C2CD3: variants seen among roughly 807,000 people sequenced by gnomAD.
C2CD3 encodes C2 domain containing 3 centriole elongation regulator.
C2CD3 carries 148 observed loss-of-function variants against 234.0 expected under a neutral mutation model. That is an observed-to-expected ratio of 0.63 (90% CI 0.55 to 0.72). The LOEUF is 0.72. Ranked by LOEUF, C2CD3 falls within the 30% of genes least tolerant of loss-of-function variation. The pLI, the probability that C2CD3 is intolerant of heterozygous loss-of-function variation, is 0.00. For missense variants in C2CD3, 2,577 were observed against 2,811.5 expected (o/e 0.92, Z 1.89); for synonymous variants, 1,000 against 1,035.4 (o/e 0.97, Z 0.66).
At chr11:74,126,347 G>C (rs1430366564) in intron 7 of C2CD3, among the ~76,000 whole-genome samples, 1 of 151,942 alleles carries the variant, frequency 6.6e-6, no homozygotes, top group Non-Finnish European at 1.5e-5. Context: ...TATGTGTCTT[G>C]GTGTATCTTT....
intron 7 of C2CD3, among the ~76,000 whole-genome samples, chr11:74,131,438 A>C (rs918178906): frequency 6.6e-6 from 1 of 152,076 alleles, no homozygotes; most frequent in Non-Finnish European, 1.5e-5. Context: ...TCATTCCTGG[A>C]ATAAATCCTG....
chr11:74,064,251 G>A (rs549897383), intron 24 of C2CD3, among the ~76,000 whole-genome samples: 43 of 152,286 alleles, frequency 2.8e-4, no homozygotes, highest in African/African-American at 9.1e-4. Context: ...CAAAATCAAT[G>A]TGCAAAAATC....
At chr11:74,108,814 G>A (rs1253364781) in intron 12 of C2CD3, among the ~76,000 whole-genome samples, 1 of 151,746 alleles carries the variant, frequency 6.6e-6, no homozygotes, top group South Asian at 2.1e-4. Flanking sequence ...TTGATAGTGT[G>A]CTCGTGTAGA....
At chr11:74,130,774 T>G (rs190211606) in intron 7 of C2CD3, among the ~76,000 whole-genome samples, 87 of 152,278 alleles carry the variant, frequency 5.7e-4, no homozygotes, top group Non-Finnish European at 9.7e-4. Context: ...AATTGGAAAG[T>G]GTGAGTCCTA....
rs986296592 is a variant in C2CD3, at chr11:74,105,172, G to C, written c.2085+1199C>G. 2.6e-5 allele frequency among the ~76,000 whole-genome samples: 4 copies of C among 152,166 alleles called. No individual in the cohort carries two copies. In the South Asian group the frequency reaches 8.3e-4, roughly 31 times the overall value. ...AGTTATTGGTAGAGAAGCTGTAAGAGAGAAGGTTGAAATGGTAGGCCAGGG... is the reference window on the plus strand; with the variant it reads ...AGTTATTGGTAGAGAAGCTGTAAGACAGAAGGTTGAAATGGTAGGCCAGGG... On this transcript the variant is annotated intron_variant, in intron 13 of 32. Coordinates refer to ENST00000334126, the MANE Select transcript of C2CD3 (RefSeq NM_001286577.2).
At chr11:74,083,500 C>A (rs905836725) in intron 22 of C2CD3, among the ~76,000 whole-genome samples, 3 of 152,188 alleles carry the variant, frequency 2.0e-5, no homozygotes, top group African/African-American at 7.2e-5. Flanking sequence ...TTAGAGTGAA[C>A]AGGCAACCTA....
chr11:74,028,462 A>G, intron 31 of C2CD3, 64 bp from the exon 32 acceptor site: 1 of 946,762 alleles, frequency 1.1e-6, no homozygotes, highest in Non-Finnish European at 1.6e-6. Flanking sequence ...GGAGGCCAGC[A>G]TCTCCACTGA....
rs866076262 is a variant in C2CD3, at chr11:74,033,374, C to T, written c.6786G>A (p.Thr2262=). 8.5e-6 allele frequency: 13 copies of T among 1,535,968 alleles called. No individual in the cohort carries two copies. Among genetic ancestry groups the T allele is most frequent in the Middle Eastern group, 1.7e-4 (1 of 5,982 alleles). The change falls in exon 31 of 33, where the codon ACG becomes ACA. Residue 2262 remains threonine, a synonymous_variant. Transcript: ENST00000334126. The part of the protein sequence containing the change: ...RQRQVTTGSE[T]STKQSLLLPG... The stretch of plus-strand genomic sequence containing the variant: ...ACAGCAGGAGGCTCTGCTTTGTGGA[C>T]GTCTCTGATCCAGTTGTCACCTGCC...
intron 26 of C2CD3, among the ~76,000 whole-genome samples, chr11:74,049,981 A>G (rs1953597929): frequency 1.3e-5 from 2 of 151,428 alleles, no homozygotes; most frequent in Non-Finnish European, 2.9e-5. Context: ...GGGTCTTACT[A>G]TGTTGCCTAG....
At chr11:74,152,037 T>C (rs917750931) in intron 3 of C2CD3, among the ~76,000 whole-genome samples, 1 of 152,098 alleles carries the variant, frequency 6.6e-6, no homozygotes, top group African/African-American at 2.4e-5. Context: ...ATGAAAAGAC[T>C]GGAAAAAACC....
At chr11:74,169,587 C>A (rs1434282980) in intron 1 of C2CD3, among the ~76,000 whole-genome samples, 1 of 152,062 alleles carries the variant, frequency 6.6e-6, no homozygotes, top group African/African-American at 2.4e-5. Flanking sequence ...CCACCATAAT[C>A]CTTATGGATA....
Position 74,013,514 on chromosome 11 carries a change from T to A in C2CD3, c.6933A>T (p.Glu2311Asp). ...PAATTDQDKS[E>D]ATRGALSQRP... The stretch of plus-strand genomic sequence containing the variant: ...TTTGGGAGAGAGCTCCCCTGGTGGC[T>A]TCGCTCTTGTCCTGGAGAGGAAGAA... The change falls in exon 33 of 33, where the codon GAA (glutamate) becomes GAT (aspartate). Residue 2311 changes from glutamate to aspartate, a missense_variant. Coordinates refer to ENST00000334126, the MANE Select transcript of C2CD3 (RefSeq NM_001286577.2). 7.3e-7 allele frequency: 1 copy of A among 1,360,880 alleles called. No individual in the cohort carries two copies. Among genetic ancestry groups the A allele is most frequent in the Non-Finnish European group, 9.4e-7 (1 of 1,060,120 alleles). The allele number at this position is 1,360,880 out of a possible 1,614,324, so 84.3% of individuals were successfully genotyped here.
Position 74,028,405 on chromosome 11 carries a change from T to C in C2CD3, c.6810-7A>G, listed in dbSNP as rs1434328108. ...CACCACAATGGGCCCTGGGCTACAATGGTAGTTAAGGGACAAAAATACCTA... is the reference window on the plus strand; with the variant it reads ...CACCACAATGGGCCCTGGGCTACAACGGTAGTTAAGGGACAAAAATACCTA... On this transcript the variant is annotated splice_region_variant and splice_polypyrimidine_tract_variant and intron_variant, in intron 31 of 32. Coordinates refer to ENST00000334126, the MANE Select transcript of C2CD3 (RefSeq NM_001286577.2). The C allele has an allele frequency of 1.8e-5, 28 of 1,530,416 alleles. No homozygotes were observed. Among genetic ancestry groups the C allele is most frequent in the East Asian group, 4.9e-5 (2 of 40,856 alleles). The allele number at this position is 1,530,416 out of a possible 1,614,324, so 94.8% of individuals were successfully genotyped here. A position where few individuals can be genotyped will look rare whatever the true frequency, so the allele number is the denominator to read the frequency against.
At chr11:74,136,699 T>G (rs927576040) in intron 5 of C2CD3, among the ~76,000 whole-genome samples, 1 of 152,220 alleles carries the variant, frequency 6.6e-6, no homozygotes, top group Non-Finnish European at 1.5e-5. Flanking sequence ...TATCTCTTGC[T>G]GCTCCTTTTA....
chr11:74,085,527 A>C (rs1461147735), intron 21 of C2CD3, 91 bp downstream of exon 21: 1 of 1,305,866 alleles, frequency 7.7e-7, no homozygotes, highest in Non-Finnish European at 1.1e-6. Flanking sequence ...CTCACCTTTA[A>C]ATACTGCAGT....
chr11:74,166,624 A>G (rs1856832198), intron 2 of C2CD3, among the ~76,000 whole-genome samples: 1 of 152,210 alleles, frequency 6.6e-6, no homozygotes, highest in Non-Finnish European at 1.5e-5. Flanking sequence ...TTCATATGAT[A>G]TTACTATATG....
chr11:74,026,962 CAAAAAAAA>C (rs34906978), intron 32 of C2CD3, among the ~76,000 whole-genome samples: 1 of 105,280 alleles, frequency 9.5e-6, no homozygotes, highest in African/African-American at 3.4e-5. Context: ...GAATAAGCCT[CAAAAAAAA>C]AAAAAAAAAA....
rs762050723 is a variant in C2CD3 at position 74,092,555 on chromosome 11, G to A, written c.3378C>T (p.Val1126=). Residue 1126 remains valine, a synonymous_variant, in exon 19 of 33, where the codon GTC becomes GTT. Coordinates refer to ENST00000334126, the MANE Select transcript of C2CD3 (RefSeq NM_001286577.2). ...YYYPNVRDQK[V]AKGTLPLSRI... ...TTGATAATGGCAAGGTTCCTTTGGC[G>A]ACCTTCTGGTCTCTCACATTAGGAT... The A allele has an allele frequency of 1.9e-5, 31 of 1,613,680 alleles. No individual in the cohort carries two copies. Among genetic ancestry groups the A allele is most frequent in the African/African-American group, 2.7e-5 (2 of 74,872 alleles).
chr11:74,013,449 A>G lies in C2CD3; in HGVS notation c.6998T>C (p.Leu2333Pro). ...RPRPNSLPLN[L>P]PEEETLRIAR... ...AATCCTGAGAGTTTCTTCCTCAGGC[A>G]GGTTGAGGGGGAGCGAGTTAGGTCT... The change falls in exon 33 of 33, where the codon CTG becomes CCG. Residue 2333 changes from leucine (L) to proline (P), a missense_variant. By Grantham distance (98) the Leu-to-Pro change is moderately conservative. Transcript: ENST00000334126. 1 of 1,426,578 alleles carries G rather than the reference A, an allele frequency of 7.0e-7. No homozygotes were observed. 88.4% of individuals were successfully genotyped at this position (1,426,578 alleles called of 1,614,324 possible).
Sources: allele counts gnomAD v4.1 joint callset (sites outside exome capture counted in the v4.1 genomes callset), GRCh38; gene constraint gnomAD v4.1.1; transcripts MANE v1.5; gene names NCBI Gene and HGNC (gene_info 2026-07-23, HGNC 2026-07-21).